The following NEB variants were observed in gnomAD, a reference collection of about 807,000 sequenced individuals.
NEB encodes nebulin.
NEB carries 512 observed loss-of-function variants against 952.2 expected under a neutral mutation model. The ratio of observed to expected loss-of-function variants is 0.54; its 90% CI spans 0.50 to 0.58. The LOEUF (loss-of-function observed/expected upper bound fraction) is 0.58. NEB is among the 20% of genes least tolerant of loss of function. NEB has a pLI of 0.00. For synonymous variants in NEB, 2,900 were observed against 3,149.8 expected, an observed-to-expected ratio of 0.92 and a Z score of 2.66; for missense variants, 8,428 against 9,231.1, an observed-to-expected ratio of 0.91 and a Z score of 3.56.
Position 151,531,906 on chromosome 2 carries a change from G to A in NEB, c.21418-10C>T, listed in dbSNP as rs201634621. Reference sequence around the variant, plus strand: ...TTTTCCTGTATTTGATCTAAATTGTGGAAGAGAAGAAAGAGCTCTAAGAAG... The same window carrying A: ...TTTTCCTGTATTTGATCTAAATTGTAGAAGAGAAGAAAGAGCTCTAAGAAG... On this transcript the variant is annotated splice_polypyrimidine_tract_variant and intron_variant, in intron 143 of 181. Transcript: ENST00000397345. The A allele has an allele frequency of 2.6e-6, 4 of 1,546,704 alleles. No homozygotes were observed. In the African/African-American group the frequency reaches 4.1e-5, roughly 16 times the overall value.
intron 71 of NEB, 51 bp downstream of exon 71, chr2:151,625,483 T>A: frequency 7.4e-7 from 1 of 1,344,402 alleles, no homozygotes; most frequent in South Asian, 1.4e-5. Flanking sequence ...CATTCCTACA[T>A]CGGCAACAAT....
chr2:151,732,765 CAG>C (rs1183548225), intron 3 of NEB, among the ~76,000 whole-genome samples: 1 of 152,138 alleles, frequency 6.6e-6, no homozygotes, highest in Non-Finnish European at 1.5e-5. Context: ...TACTAAGAGA[CAG>C]AGTTCCATTT....
At position 151,684,795 on chromosome 2, in the gene NEB, A is replaced by G; in HGVS notation, c.2818T>C (p.Tyr940His). ...SINVDLAKKA[Y>H]ALQSDVEYKA... ...TTACTCACATCGCTCTGCAGCGCAT[A>G]TGCCTTCTTGGCAAGGTCCACATTG... is the stretch of plus-strand genomic sequence containing the variant. The change falls in exon 28 of 182, where the codon TAT becomes CAT. Residue 940 changes from tyrosine to histidine, a missense_variant. Around this residue, in one of 11 missense-constraint regions of NEB, gnomAD observed 2,851 missense variants for 2,791.5 expected, o/e 1.02. Coordinates refer to ENST00000397345, the MANE Select transcript of NEB (RefSeq NM_001164508.2). 1 of 1,608,902 alleles carries G rather than the reference A, an allele frequency of 6.2e-7. No homozygotes were observed.
chr2:151,658,620 C>G (rs925774402), intron 47 of NEB, among the ~76,000 whole-genome samples: 1 of 152,148 alleles, frequency 6.6e-6, no homozygotes, highest in Admixed American at 6.5e-5. Flanking sequence ...AATATCAATA[C>G]ATTTGCACAT....
chr2:151,499,218 G>T, intron 169 of NEB, 80 bp downstream of exon 169: 1 of 738,412 alleles, frequency 1.4e-6, no homozygotes, highest in Non-Finnish European at 2.2e-6. Context: ...GGGATGAGTT[G>T]ATTAGATTTT....
chr2:151,664,228 T>C (rs1312715423), intron 44 of NEB, among the ~76,000 whole-genome samples: 1 of 152,250 alleles, frequency 6.6e-6, no homozygotes, highest in Non-Finnish European at 1.5e-5. Context: ...GTAAAACACG[T>C]AGATTGCATC....
rs531867067 is a variant in NEB at position 151,575,606 on chromosome 2, C to T, written c.17013+89G>A. On this transcript the variant is annotated intron_variant, in intron 107 of 181. Transcript: ENST00000397345. ...TCCCCTGTTGCGGGAAGTCAGGGAC[C>T]GAGTCCATCTTCCCTCCCTTCCATG... 39 of 928,740 alleles carry T rather than the reference C, an allele frequency of 4.2e-5. No individual in the cohort carries two copies. In the South Asian group the frequency reaches 4.7e-4, roughly 11 times the overall value. 57.5% of individuals were successfully genotyped at this position (928,740 alleles called of 1,614,324 possible).
chr2:151,565,717 T>C lies in NEB; in HGVS notation c.18260A>G (p.Gln6087Arg). 1 of 1,611,034 alleles carries C rather than the reference T, an allele frequency of 6.2e-7. No homozygotes were observed. The highest frequency in any genetic ancestry group is 8.5e-7 in the Non-Finnish European group (1 of 1,178,338). Residue 6087 changes from glutamine to arginine, a missense_variant and splice_region_variant, in exon 115 of 182, where the codon CAG becomes CGG. Around this residue, in one of 11 missense-constraint regions of NEB, gnomAD observed 3,374 missense variants for 3,651.5 expected, o/e 0.92. Transcript: ENST00000397345. ...AGAAGGAGAATAGGCTTTGCGTACC[T>C]GACTCATCATTTCCTGGTTCTTAGT... Reference protein sequence around the residue: ...RVTKNQEMMSQIKYKKNALEN... With the variant: ...RVTKNQEMMSRIKYKKNALEN...
chr2:151,498,290 T>A lies in NEB; in HGVS notation c.24177A>T (p.Arg8059Ser), dbSNP rs1030563077. 1 of 1,551,576 alleles carries A rather than the reference T, an allele frequency of 6.4e-7. No homozygotes were observed. The highest frequency in any genetic ancestry group is 1.4e-5 in the African/African-American group (1 of 73,156). The stretch of plus-strand genomic sequence containing the variant: ...TAAGGTTTTCTTGATTGTGTTTGAC[T>A]CTCTGCATCTCAGGAGTGATGGGGA... Reference protein sequence around the residue: ...IPIPITPEMQRVKHNQENLSS... With the variant: ...IPIPITPEMQSVKHNQENLSS... Residue 8059 changes from arginine to serine, a missense_variant, in exon 170 of 182, where the codon AGA becomes AGT. Arg to Ser is a moderately radical substitution (Grantham distance 110, BLOSUM62 -1). This residue lies in a region of NEB where 3,374 missense variants were observed against 3,651.5 expected (regional missense o/e 0.92). Transcript: ENST00000397345.
rs1049311109 is a variant in NEB, at chr2:151,662,479, T to C, written c.5764-138A>G. 2.9e-5 allele frequency: 20 copies of C among 687,528 alleles called. No homozygotes were observed. In the African/African-American group the frequency reaches 3.4e-4, roughly 12 times the overall value. The allele number at this position is 687,528 out of a possible 1,614,324, so 42.6% of individuals were successfully genotyped here. A position where few individuals can be genotyped will look rare whatever the true frequency, so the allele number is the denominator to read the frequency against. ...TTCCACTTCAATATTTGCTTGAATA[T>C]TGGTATTTAACCAATAGCATGTTGA... On this transcript the variant is annotated intron_variant, in intron 45 of 181. Transcript: ENST00000397345.
chr2:151,652,501 G>A (rs2099041879), intron 52 of NEB, among the ~76,000 whole-genome samples: 1 of 152,234 alleles, frequency 6.6e-6, no homozygotes, highest in South Asian at 2.1e-4. Context: ...CTGAGATTAT[G>A]GGACGGGGCC....
intron 34 of NEB, 51 bp downstream of exon 34, chr2:151,677,514 T>C: frequency 7.2e-7 from 1 of 1,387,764 alleles, no homozygotes; most frequent in South Asian, 1.7e-5. Context: ...TGTTTACTTT[T>C]CTAAAAAGCT....
rs533777948 is a variant in NEB, at chr2:151,656,681, C to T, written c.6184-217G>A. On this transcript the variant is annotated intron_variant, in intron 48 of 181. Coordinates refer to ENST00000397345, the MANE Select transcript of NEB (RefSeq NM_001164508.2). ...TAGATAGAAAAGTTCTTATTACTCTCCTCATTTTATAGATGAATAAGCTGA... is the reference window on the plus strand; with the variant it reads ...TAGATAGAAAAGTTCTTATTACTCTTCTCATTTTATAGATGAATAAGCTGA... Among the ~76,000 whole-genome samples, 6 of 152,094 alleles carry T rather than the reference C, an allele frequency of 3.9e-5. No individual in the cohort carries two copies. In the South Asian group the frequency reaches 1.2e-3, roughly 32 times the overall value.
intron 181 of NEB, chr2:151,486,894 T>C (rs2050927618): frequency 6.6e-6 from 1 of 152,224 alleles, no homozygotes; most frequent in Admixed American, 6.5e-5. Context: ...AGCATTTGTT[T>C]GTTTGTTTTA....
intron 46 of NEB, among the ~76,000 whole-genome samples, chr2:151,661,168 T>C (rs1480220362): frequency 6.6e-6 from 1 of 152,162 alleles, no homozygotes; most frequent in Non-Finnish European, 1.5e-5. Flanking sequence ...TTGGTGCCAG[T>C]ACGTGCTAGT....
Position 151,662,252 on chromosome 2 carries a change from G to C in NEB, c.5853C>G (p.Ala1951=), listed in dbSNP as rs757546480. 6 of 1,613,576 alleles carry C rather than the reference G, an allele frequency of 3.7e-6. No individual in the cohort carries two copies. Among genetic ancestry groups the C allele is most frequent in the Non-Finnish European group, 5.1e-6 (6 of 1,179,648 alleles). The change falls in exon 46 of 182, where the codon GCC becomes GCG. Residue 1951 remains alanine (A), a synonymous_variant. Coordinates refer to ENST00000397345, the MANE Select transcript of NEB (RefSeq NM_001164508.2). ...ACTTCTTTTCACTAATAATCTCCAT[G>C]GCTTTCTTGTTTTTCTCTGCTTCCA... The part of the protein sequence containing the change: ...GSLEAEKNKK[A]MEIISEKKYR...
chr2:151,605,287 A>C (rs2153943747), intron 84 of NEB, among the ~76,000 whole-genome samples: 1 of 130,412 alleles, frequency 7.7e-6, no homozygotes, highest in Non-Finnish European at 1.8e-5. Flanking sequence ...ACTATTATTA[A>C]CATATATTCC....
At chr2:151,698,948 C>T (rs1576795624) in intron 13 of NEB, among the ~76,000 whole-genome samples, 1 of 144,792 alleles carries the variant, frequency 6.9e-6, no homozygotes, top group Non-Finnish European at 1.5e-5. Flanking sequence ...ATACATGTGC[C>T]ATGCTGGTGC....
At chr2:151,577,299 T>C (rs889006027) in intron 105 of NEB, among the ~76,000 whole-genome samples, 13 of 152,280 alleles carry the variant, frequency 8.5e-5, no homozygotes, top group Middle Eastern at 6.8e-3. Flanking sequence ...TGTACTTCCA[T>C]TGGCCCTGTG....
Sources: gnomAD v4.1 joint callset for allele counts (sites outside exome capture counted in the v4.1 genomes callset) on GRCh38, gnomAD v4.1.1 for gene constraint, gnomAD v4.1.1 regional missense constraint, MANE v1.5 for transcripts, NCBI Gene and HGNC (gene_info 2026-07-23, HGNC 2026-07-21) for gene names.